RMND1: variants seen among roughly 807,000 people sequenced by gnomAD.
RMND1 encodes the protein required for meiotic nuclear division 1 homolog.
Under a neutral mutation model 54.0 loss-of-function variants are expected in RMND1, and 41 were observed. The ratio of observed to expected loss-of-function variants is 0.76; its 90% confidence interval spans 0.59 to 0.98. The LOEUF (loss-of-function observed/expected upper bound fraction) is 0.98. Ranked by LOEUF, RMND1 falls within the 50% of genes least tolerant of loss-of-function variation. The pLI is 0.00. For missense variants in RMND1, 457 were observed against 532.0 expected, an observed-to-expected ratio of 0.86 and a Z score of 1.39; for synonymous variants, 183 against 181.7, an observed-to-expected ratio of 1.01 and a Z score of -0.06.
At chr6:151,405,295 A>G in intron 11 of RMND1, 28 bp from the exon 12 acceptor site, 2 of 1,603,940 alleles carry the variant, frequency 1.2e-6, no homozygotes, top group Non-Finnish European at 1.7e-6. Flanking sequence ...GAATTATTTC[A>G]TGACGGGCAA....
chr6:151,405,511 C>T (rs1479526639), intron 11 of RMND1, among the ~76,000 whole-genome samples: 1 of 152,170 alleles, frequency 6.6e-6, no homozygotes, highest in Non-Finnish European at 1.5e-5. Flanking sequence ...GAGGTCTACT[C>T]TCAAATTTTA....
At chr6:151,406,200 C>T (rs534109180) in intron 10 of RMND1, among the ~76,000 whole-genome samples, 30 of 152,242 alleles carry the variant, frequency 2.0e-4, no homozygotes, top group Admixed American at 1.6e-3. Context: ...AGAAAATCTA[C>T]GCTTAACATT....
intron 6 of RMND1, 148 bp from the exon 7 acceptor site, chr6:151,423,779 G>GTAAT (rs957004460): frequency 3.2e-6 from 2 of 624,814 alleles, no homozygotes; most frequent in African/African-American, 1.8e-5. Flanking sequence ...TTTGGTCCAG[G>GTAAT]TAATTCCCTT....
At chr6:151,447,804 T>G (rs1156482007) in intron 1 of RMND1, among the ~76,000 whole-genome samples, 1 of 144,332 alleles carries the variant, frequency 6.9e-6, no homozygotes, top group Non-Finnish European at 1.5e-5. Flanking sequence ...TCTCTTTGAG[T>G]AAATTCTTTT....
chr6:151,439,989 C>T (rs1245390370), intron 2 of RMND1, among the ~76,000 whole-genome samples: 1 of 152,042 alleles, frequency 6.6e-6, no homozygotes, highest in African/African-American at 2.4e-5. Flanking sequence ...CGGAGTCTTC[C>T]TCTGTCGCCC....
At chr6:151,435,302 T>A (rs1371858816) in intron 3 of RMND1, among the ~76,000 whole-genome samples, 1 of 151,042 alleles carries the variant, frequency 6.6e-6, no homozygotes, top group Non-Finnish European at 1.5e-5. Context: ...CGTGCCACCA[T>A]ACCTGGCTAA....
intron 1 of RMND1, among the ~76,000 whole-genome samples, chr6:151,446,861 A>G (rs936106262): frequency 3.3e-5 from 5 of 151,840 alleles, no homozygotes; most frequent in African/African-American, 1.2e-4. Flanking sequence ...GGATTGCCCC[A>G]CTGCACTCCA....
chr6:151,434,409 A>AT (rs11398229), intron 3 of RMND1, among the ~76,000 whole-genome samples: 34,914 of 146,436 alleles, frequency 0.24, 6,407 homozygotes, highest in African/African-American at 0.51. Context: ...CAAAACTGTG[A>AT]TTTTTTTTTT....
chr6:151,408,446 C>G (rs6923684), intron 10 of RMND1, among the ~76,000 whole-genome samples: 42,145 of 151,728 alleles, frequency 0.28, 6,751 homozygotes, highest in East Asian at 0.57. Context: ...GAGCCAAGAC[C>G]ACGGCATTGA....
chr6:151,436,224 TATAA>T (rs1582962782), intron 3 of RMND1: 6 of 472,836 alleles, frequency 1.3e-5, no homozygotes, highest in East Asian at 7.6e-5. Flanking sequence ...ATAATGATCC[TATAA>T]ATAATCTTAA....
At chr6:151,444,930 CAG>C in intron 2 of RMND1, 1 of 168,712 alleles carries the variant, frequency 5.9e-6, no homozygotes, top group Non-Finnish European at 1.3e-5. Context: ...TATCTGTCTG[CAG>C]AGTTACAATT....
chr6:151,427,587 A>C lies in RMND1; in HGVS notation c.730-5T>G. The C allele has an allele frequency of 6.4e-7, 1 of 1,567,516 alleles. No homozygotes were observed. Among genetic ancestry groups the C allele is most frequent in the Middle Eastern group, 1.7e-4 (1 of 6,002 alleles). ...AACTTTCATCACATGCTTCATCTAGAAGAAAAGGAAGATTAATCTGAAATC... is the reference window on the plus strand; with the variant it reads ...AACTTTCATCACATGCTTCATCTAGCAGAAAAGGAAGATTAATCTGAAATC... On this transcript the variant is annotated splice_polypyrimidine_tract_variant and splice_region_variant and intron_variant, in intron 5 of 11. Coordinates refer to ENST00000444024, the MANE Select transcript of RMND1 (RefSeq NM_017909.4).
At position 151,405,220 on chromosome 6, in the gene RMND1, T is replaced by C; in HGVS notation, c.*15A>G. 1 of 1,606,736 alleles carries C rather than the reference T, an allele frequency of 6.2e-7. No individual in the cohort carries two copies. Among genetic ancestry groups the C allele is most frequent in the East Asian group, 2.2e-5 (1 of 44,820 alleles). On this transcript the variant is annotated 3_prime_UTR_variant, in exon 12 of 12. Transcript: ENST00000444024. Reference sequence around the variant, plus strand: ...CTTGAATATCTCTTGCAGTGACACTTTGGTTATCACTTGATCAGAAAAATA... The same window carrying C: ...CTTGAATATCTCTTGCAGTGACACTCTGGTTATCACTTGATCAGAAAAATA...
intron 5 of RMND1, among the ~76,000 whole-genome samples, chr6:151,429,581 C>T (rs1474779172): frequency 6.6e-6 from 1 of 151,954 alleles, no homozygotes; most frequent in Non-Finnish European, 1.5e-5. Flanking sequence ...CTAATTTTTG[C>T]CATTATAAAT....
rs775506207 is a variant in RMND1, at chr6:151,445,608, C to G, written c.204G>C (p.Leu68=). Residue 68 remains leucine (L), a synonymous_variant, in exon 2 of 12, where the codon CTG becomes CTC. Transcript: ENST00000444024. The part of the protein sequence containing the change: ...TASGLNKSQI[L]EMNQKKSDTS... ...TATCTGACTTTTTTTGGTTCATTTC[C>G]AGGATCTGAGACTTATTCAAACCAC... 3 of 1,614,122 alleles carry G rather than the reference C, an allele frequency of 1.9e-6. No individual in the cohort carries two copies. Among genetic ancestry groups the G allele is most frequent in the Non-Finnish European group, 2.5e-6 (3 of 1,180,018 alleles).
intron 10 of RMND1, chr6:151,408,848 A>C (rs904857257): frequency 6.6e-6 from 1 of 152,240 alleles, no homozygotes; most frequent in Non-Finnish European, 1.5e-5. Flanking sequence ...TTCCACTCGC[A>C]GTCTCCAAAG....
Position 151,427,496 on chromosome 6 carries a change from G to A in RMND1, c.816C>T (p.Asn272=), listed in dbSNP as rs754448907. 2 of 1,604,052 alleles carry A rather than the reference G, an allele frequency of 1.2e-6. No homozygotes were observed. Among genetic ancestry groups the A allele is most frequent in the Non-Finnish European group, 1.7e-6 (2 of 1,171,588 alleles). ...AAGTTGCTTACTCTATTTTTATGTAGTTAAGTTCTTCATTTTCCCAGTGTA... is the reference window on the plus strand; with the variant it reads ...AAGTTGCTTACTCTATTTTTATGTAATTAAGTTCTTCATTTTCCCAGTGTA... ...ALVHWENEEL[N]YIKIEGQSKL... is the part of the protein sequence containing the mutation. Residue 272 remains asparagine (N), a synonymous_variant, in exon 6 of 12, where the codon AAC becomes AAT. Coordinates refer to ENST00000444024, the MANE Select transcript of RMND1 (RefSeq NM_017909.4).
chr6:151,424,608 G>A (rs184531655), intron 6 of RMND1, among the ~76,000 whole-genome samples: 32 of 152,176 alleles, frequency 2.1e-4, no homozygotes, highest in African/African-American at 7.2e-4. Context: ...AAAGGAGAAC[G>A]TTCACAGTAA....
intron 4 of RMND1, among the ~76,000 whole-genome samples, chr6:151,432,140 T>C (rs1017479941): frequency 1.3e-5 from 2 of 152,112 alleles, no homozygotes; most frequent in Non-Finnish European, 2.9e-5. Flanking sequence ...GGTTTCACCA[T>C]GTTGGCCAGG....
Sources: gnomAD v4.1 joint callset for allele counts (sites outside exome capture counted in the v4.1 genomes callset) on GRCh38, gnomAD v4.1.1 for gene constraint, MANE v1.5 for transcripts, NCBI Gene and HGNC (gene_info 2026-07-23, HGNC 2026-07-21) for gene names.